COMMD6: variants seen among roughly 807,000 people sequenced by gnomAD.
COMMD6 encodes the protein COMM domain containing 6, also known as COMM domain-containing protein 6.
Under a neutral mutation model 13.4 loss-of-function variants are expected in COMMD6, and 11 were observed. The ratio of observed to expected loss-of-function variants is 0.82; its 90% confidence interval spans 0.52 to 1.36. The LOEUF is 1.36. COMMD6 is among the 40% of genes most tolerant of loss of function. COMMD6 has a pLI of 0.00. For synonymous variants in COMMD6, 43 were observed against 36.5 expected, an observed-to-expected ratio of 1.18 and a Z score of -0.64; for missense variants, 124 against 102.4, an observed-to-expected ratio of 1.21 and a Z score of -0.91.
At chr13:75,536,444 A>G (rs1373281035) in intron 2 of COMMD6, among the ~76,000 whole-genome samples, 1 of 152,248 alleles carries the variant, frequency 6.6e-6, no homozygotes, top group Admixed American at 6.5e-5. Flanking sequence ...ACCTTAGGCA[A>G]CAAAACAGTA....
intron 3 of COMMD6, 138 bp from the exon 4 acceptor site, chr13:75,526,777 G>T: frequency 1.9e-6 from 1 of 537,978 alleles, no homozygotes; most frequent in Non-Finnish European, 3.2e-6. Context: ...ATTACTGAAG[G>T]TTGCTGTAAG....
At chr13:75,528,879 G>C (rs1405563795) in intron 3 of COMMD6, among the ~76,000 whole-genome samples, 1 of 151,524 alleles carries the variant, frequency 6.6e-6, no homozygotes, top group African/African-American at 2.4e-5. Context: ...AAAAAGAAAT[G>C]AAAGGGAAAC....
chr13:75,533,167 G>A (rs549551257), intron 2 of COMMD6, among the ~76,000 whole-genome samples: 7 of 152,008 alleles, frequency 4.6e-5, no homozygotes, highest in East Asian at 3.9e-4. Flanking sequence ...TCCTGACCTC[G>A]TGATCCGCCC....
Position 75,537,661 on chromosome 13 carries a change from C to T in COMMD6, c.54+3G>A. Reference sequence around the variant, plus strand: ...GGACAGGGCGGGGCGGCCGCTCACCCACCTGGTTGGTGACCTGAAACGGAA... The same window carrying T: ...GGACAGGGCGGGGCGGCCGCTCACCTACCTGGTTGGTGACCTGAAACGGAA... On this transcript the variant is annotated splice_donor_region_variant and intron_variant, in intron 2 of 3. Coordinates refer to ENST00000682242, the MANE Select transcript of COMMD6 (RefSeq NM_203495.4). 1 of 1,613,858 alleles carries T rather than the reference C, an allele frequency of 6.2e-7. No individual in the cohort carries two copies. Among genetic ancestry groups the T allele is most frequent in the Non-Finnish European group, 8.5e-7 (1 of 1,179,824 alleles).
chr13:75,530,251 A>T lies in COMMD6; in HGVS notation c.70T>A (p.Trp24Arg). ...DVTNQLVDFQ[W>R]KLGMAVSSDT... ...GAGCTCACAGCCATACCCAGTTTCC[A>T]CTGAAAATCTACAAGCTTTAATAAG... The change falls in exon 3 of 4, where the codon TGG becomes AGG. Residue 24 changes from tryptophan (W) to arginine (R), a missense_variant. Transcript: ENST00000682242. 1 of 1,610,732 alleles carries T rather than the reference A, an allele frequency of 6.2e-7. No individual in the cohort carries two copies. Among genetic ancestry groups the T allele is most frequent in the Non-Finnish European group, 8.5e-7 (1 of 1,178,784 alleles).
rs191573326 is a variant in COMMD6, at chr13:75,532,260, T to G, written c.55-1994A>C. On this transcript the variant is annotated intron_variant, in intron 2 of 3. Coordinates refer to ENST00000682242, the MANE Select transcript of COMMD6 (RefSeq NM_203495.4). ...TAATTCATTAACTGTCCATATTTTGTGCACTTTTTGCATATATAGTCCAGA... is the reference window on the plus strand; with the variant it reads ...TAATTCATTAACTGTCCATATTTTGGGCACTTTTTGCATATATAGTCCAGA... Among the ~76,000 whole-genome samples the G allele has an allele frequency of 2.6e-5, 4 of 152,348 alleles. No individual in the cohort carries two copies. In the East Asian group the frequency reaches 7.7e-4, roughly 29 times the overall value.
At chr13:75,538,798 G>C (rs2030768709), upstream of COMMD6, 1 of 151,304 alleles carries the variant, frequency 6.6e-6, no homozygotes, top group African/African-American at 2.4e-5. Flanking sequence ...TGAATTTGGT[G>C]ATCATGTCTC....
At chr13:75,540,768 A>C (rs1398389575), upstream of COMMD6, among the ~76,000 whole-genome samples, 1 of 152,236 alleles carries the variant, frequency 6.6e-6, no homozygotes, top group Non-Finnish European at 1.5e-5. Flanking sequence ...TAAGTAGAAC[A>C]TATGTCAGAA....
chr13:75,528,905 T>C (rs2030363168), intron 3 of COMMD6, among the ~76,000 whole-genome samples: 1 of 151,700 alleles, frequency 6.6e-6, no homozygotes, highest in Non-Finnish European at 1.5e-5. Context: ...ATTTAAAATG[T>C]AGTTTATAAA....
chr13:75,548,815 C>T lies in COMMD6; in HGVS notation n.106+508G>A, dbSNP rs116626047. ...AATTTGCAGTTTGGTGAAAAAGATACATGACAAATCCTGCTTAAGATCCTT... is the reference window on the plus strand; with the variant it reads ...AATTTGCAGTTTGGTGAAAAAGATATATGACAAATCCTGCTTAAGATCCTT... On this transcript the variant is annotated intron_variant and non_coding_transcript_variant, in intron 1 of 2. Transcript: ENST00000460675. Among the ~76,000 whole-genome samples, 337 of 152,300 alleles carry T rather than the reference C, an allele frequency of 2.2e-3. 1 individual carries two copies. Among genetic ancestry groups the T allele is most frequent in the African/African-American group, 6.8e-3 (284 of 41,562 alleles).
chr13:75,542,305 T>C (rs2138429393), upstream of COMMD6, among the ~76,000 whole-genome samples: 1 of 150,154 alleles, frequency 6.7e-6, no homozygotes, highest in African/African-American at 2.5e-5. Flanking sequence ...TTTTTTTTTT[T>C]TGATACAGAG....
At chr13:75,529,520 C>CAAA (rs58073558) in intron 3 of COMMD6, among the ~76,000 whole-genome samples, 8 of 104,640 alleles carry the variant, frequency 7.6e-5, no homozygotes, top group African/African-American at 2.2e-4. Context: ...GACTCCGTCT[C>CAAA]AAAAAAAAAA....
At chr13:75,530,482 G>A (rs2030434882) in intron 2 of COMMD6, 1 of 330,600 alleles carries the variant, frequency 3.0e-6, no homozygotes, top group Non-Finnish European at 5.4e-6. Context: ...CACCATCATA[G>A]TTTAAAATGG....
At chr13:75,537,728 C>A (rs1454370494) in intron 1 of COMMD6, 36 bp downstream of exon 1, 1 of 1,613,974 alleles carries the variant, frequency 6.2e-7, no homozygotes, top group Admixed American at 1.7e-5. Context: ...TGCTCCAGAG[C>A]CTCGCTGCCC....
intron 2 of COMMD6, among the ~76,000 whole-genome samples, chr13:75,532,023 C>A (rs2030496699): frequency 6.6e-6 from 1 of 152,114 alleles, no homozygotes; most frequent in South Asian, 2.1e-4. Context: ...ACACGTAAAA[C>A]CAAAAATATT....
chr13:75,546,486 C>T lies in COMMD6; in HGVS notation n.106+2837G>A, dbSNP rs144541358. 8.5e-5 allele frequency among the ~76,000 whole-genome samples: 13 copies of T among 152,294 alleles called. No individual in the cohort carries two copies. In the East Asian group the frequency reaches 2.5e-3, roughly 29 times the overall value. ...AGAACAGTTTTTTGAGTCACAAGTA[C>T]TCTTGTTAAGGCATCAAACATTAAT... On this transcript the variant is annotated intron_variant and non_coding_transcript_variant, in intron 1 of 2. Transcript: ENST00000460675.
chr13:75,530,783 A>G (rs921939856), intron 2 of COMMD6, among the ~76,000 whole-genome samples: 1 of 152,244 alleles, frequency 6.6e-6, no homozygotes, highest in Non-Finnish European at 1.5e-5. Flanking sequence ...TGCAGATGAC[A>G]AAAGCCAACT....
intron 2 of COMMD6, 35 bp from the exon 3 acceptor site, chr13:75,530,301 G>T (rs2030428910): frequency 2.0e-6 from 3 of 1,524,282 alleles, no homozygotes; most frequent in Non-Finnish European, 2.7e-6. Flanking sequence ...TACATTAGTA[G>T]TAACATTACC....
intron 3 of COMMD6, among the ~76,000 whole-genome samples, chr13:75,529,269 C>T (rs541770041): frequency 3.0e-4 from 46 of 152,224 alleles, no homozygotes; most frequent in African/African-American, 1.1e-3. Context: ...GCCTGTAATC[C>T]TGGCACTTTG....
Sources: allele counts gnomAD v4.1 joint callset (sites outside exome capture counted in the v4.1 genomes callset), GRCh38; gene constraint gnomAD v4.1.1; transcripts MANE v1.5; gene names NCBI Gene and HGNC (gene_info 2026-07-23, HGNC 2026-07-21).